RB1: variants seen among roughly 807,000 people sequenced by gnomAD.
RB1 encodes retinoblastoma-associated protein.
A neutral mutation model predicts 135.4 loss-of-function variants in RB1; 18 were observed. That is an observed-to-expected ratio of 0.13 (90% CI 0.09 to 0.20). The LOEUF (loss-of-function observed/expected upper bound fraction) is 0.20, where lower values mean the gene tolerates loss of function less well. Among genes scored for constraint, RB1 ranks in the 10% least tolerant of loss-of-function variants. The probability of loss-of-function intolerance (pLI) is 1.00; values close to 1 mark genes in which losing one functional copy is unlikely to be tolerated. For missense variants in RB1, 868 were observed against 1,110.0 expected, an observed-to-expected ratio of 0.78 and a Z score of 3.10; for synonymous variants, 365 against 373.2, an observed-to-expected ratio of 0.98 and a Z score of 0.25.
Position 48,464,981 on chromosome 13 carries a change from T to TTTCTTTTTTTCC in RB1, c.2212-16_2212-15insTCTTTTTTTCCT. 1 of 1,462,490 alleles carries TTTCTTTTTTTCC rather than the reference T, an allele frequency of 6.8e-7. No homozygotes were observed. Among genetic ancestry groups the TTTCTTTTTTTCC allele is most frequent in the Non-Finnish European group, 9.2e-7 (1 of 1,091,420 alleles). 90.6% of individuals were successfully genotyped at this position (1,462,490 alleles called of 1,614,324 possible). A position where few individuals can be genotyped will look rare whatever the true frequency, so the allele number is the denominator to read the frequency against. ...TACTTTTTTTTTTTTTTTTTTTTTT[T>TTTCTTTTTTTCC]TACTGTTCTTCCTCAGACATTCAAA... On this transcript the variant is annotated splice_polypyrimidine_tract_variant and intron_variant, in intron 21 of 26. Coordinates refer to ENST00000267163, the MANE Select transcript of RB1 (RefSeq NM_000321.3).
At chr13:48,402,930 A>G (rs74076000) in intron 17 of RB1, among the ~76,000 whole-genome samples, 1 of 152,226 alleles carries the variant, frequency 6.6e-6, no homozygotes, top group African/African-American at 2.4e-5. Flanking sequence ...AGTAGTATTC[A>G]TTTTTATTTA....
At chr13:48,440,744 A>T (rs528798254) in intron 17 of RB1, among the ~76,000 whole-genome samples, 1 of 152,324 alleles carries the variant, frequency 6.6e-6, no homozygotes, top group East Asian at 1.9e-4. Flanking sequence ...AAAAAGAGAC[A>T]TCTCTTATAC....
chr13:48,334,058 C>T (rs1456765272), intron 2 of RB1, among the ~76,000 whole-genome samples: 2 of 152,020 alleles, frequency 1.3e-5, no homozygotes, highest in Non-Finnish European at 2.9e-5. Flanking sequence ...GGAGGGAGTC[C>T]CAGGTGCTCA....
chr13:48,450,292 G>C (rs1406539035), intron 17 of RB1, among the ~76,000 whole-genome samples: 1 of 152,020 alleles, frequency 6.6e-6, no homozygotes, highest in African/African-American at 2.4e-5. Context: ...TTCATCTTGA[G>C]TTAATTTTTG....
At position 48,456,266 on chromosome 13, in the gene RB1, C is replaced by A; in HGVS notation, c.1877C>A (p.Ala626Glu). The change falls in exon 19 of 27, where the codon GCA becomes GAA. Residue 626 changes from alanine (A) to glutamate (E), a missense_variant. Ala to Glu is a moderately radical substitution (Grantham distance 107, BLOSUM62 -1). Around this residue, in one of 3 missense-constraint regions of RB1, gnomAD observed 641 missense variants for 791.3 expected, o/e 0.81. Transcript: ENST00000267163. ...TCAACTACGCGTGTAAATTCTACTG[C>A]AAATGCAGAGACACAAGCAACCTCA... ...KGSTTRVNST[A>E]NAETQATSAF... is the part of the protein sequence containing the mutation. 1 of 1,614,190 alleles carries A rather than the reference C, an allele frequency of 6.2e-7. No individual in the cohort carries two copies. The highest frequency in any genetic ancestry group is 1.1e-5 in the South Asian group (1 of 91,080).
chr13:48,307,445 T>G (rs545488881), intron 2 of RB1, 39 bp downstream of exon 2: 30 of 1,589,420 alleles, frequency 1.9e-5, no homozygotes, highest in Non-Finnish European at 2.6e-5. Context: ...TTTTTTTTTC[T>G]CATTTTAAAA....
intron 19 of RB1, among the ~76,000 whole-genome samples, chr13:48,458,570 C>T (rs1949376719): frequency 6.6e-6 from 1 of 152,130 alleles, no homozygotes; most frequent in Admixed American, 6.5e-5. Flanking sequence ...TCTGGGGCTC[C>T]AGCCTAGACC....
intron 2 of RB1, chr13:48,328,029 C>A: frequency 1.4e-6 from 1 of 703,486 alleles, no homozygotes; most frequent in South Asian, 1.8e-5. Context: ...AAAAAGGAAA[C>A]TGTTCTTTTT....
intron 2 of RB1, among the ~76,000 whole-genome samples, chr13:48,314,313 A>G (rs554946977): frequency 6.6e-6 from 1 of 152,314 alleles, no homozygotes; most frequent in South Asian, 2.1e-4. Context: ...AACAACATGA[A>G]GTCTTCAGAT....
intron 23 of RB1, among the ~76,000 whole-genome samples, chr13:48,472,923 A>G (rs1949481019): frequency 6.6e-6 from 1 of 152,186 alleles, no homozygotes; most frequent in Admixed American, 6.5e-5. Context: ...TATATGATAA[A>G]TAGCCTTTAC....
intron 17 of RB1, among the ~76,000 whole-genome samples, chr13:48,442,206 A>T (rs898847115): frequency 2.1e-5 from 3 of 145,936 alleles, no homozygotes; most frequent in Non-Finnish European, 3.0e-5. Flanking sequence ...TATGAATTTT[A>T]TTTTTTTTTT....
Position 48,303,855 on chromosome 13 carries a change from G to T in RB1, c.-58G>T. ...ACGGGGCGTGCCCCGACGTGCGCGC[G>T]CGTCGTCCTCCCCGGCGCTCCTCCA... On this transcript the variant is annotated 5_prime_UTR_variant, in exon 1 of 27. Coordinates refer to ENST00000267163, the MANE Select transcript of RB1 (RefSeq NM_000321.3). 2 of 1,499,864 alleles carry T rather than the reference G, an allele frequency of 1.3e-6. No homozygotes were observed. Among genetic ancestry groups the T allele is most frequent in the East Asian group, 2.8e-5 (1 of 35,958 alleles). 92.9% of individuals were successfully genotyped at this position (1,499,864 alleles called of 1,614,324 possible).
At position 48,339,192 on chromosome 13, in the gene RB1, T is replaced by G. The variant is rs534956245; in HGVS notation, c.265-3407T>G. 5.1e-3 allele frequency among the ~76,000 whole-genome samples: 781 copies of G among 152,342 alleles called. 4 individuals are homozygous for G. Among genetic ancestry groups the G allele is most frequent in the Non-Finnish European group, 8.1e-3 (554 of 68,034 alleles). On this transcript the variant is annotated intron_variant, in intron 2 of 26. Transcript: ENST00000267163. ...TCATGCTGGGAGAACCACTACGCTCTTCAAAGCTGTCAGACAGGGACATTT... is the reference window on the plus strand; with the variant it reads ...TCATGCTGGGAGAACCACTACGCTCGTCAAAGCTGTCAGACAGGGACATTT...
At chr13:48,446,620 G>T (rs191378805) in intron 17 of RB1, among the ~76,000 whole-genome samples, 182 of 152,308 alleles carry the variant, frequency 1.2e-3, no homozygotes, top group African/African-American at 4.0e-3. Context: ...TGCTTAGGAG[G>T]TGCTATTTGA....
In RB1 at chr13:48,476,821, G is replaced by A. The variant is rs1949507125; in HGVS notation, c.2641G>A (p.Gly881Arg). 1 of 1,613,482 alleles carries A rather than the reference G, an allele frequency of 6.2e-7. No individual in the cohort carries two copies. Among genetic ancestry groups the A allele is most frequent in the Non-Finnish European group, 8.5e-7 (1 of 1,179,638 alleles). ...GAAAAAACTACGCTTTGATATTGAA[G>A]GATCAGATGAAGCAGATGGAAGGTA... ...PLKKLRFDIEGSDEADGSKHL... is the reference protein window; with the variant it reads ...PLKKLRFDIERSDEADGSKHL... The change falls in exon 25 of 27, where the codon GGA becomes AGA. Residue 881 changes from glycine (G) to arginine (R), a missense_variant. Physicochemically the swap from Gly to Arg is moderately radical, Grantham distance 125 (BLOSUM62 -2). Coordinates refer to ENST00000267163, the MANE Select transcript of RB1 (RefSeq NM_000321.3).
chr13:48,432,539 C>A (rs1029293128), intron 17 of RB1, among the ~76,000 whole-genome samples: 1 of 151,956 alleles, frequency 6.6e-6, no homozygotes, highest in African/African-American at 2.4e-5. Context: ...CACATTCCAC[C>A]CTGACTTGTC....
intron 17 of RB1, among the ~76,000 whole-genome samples, chr13:48,421,868 A>G (rs2138245031): frequency 6.6e-6 from 1 of 152,340 alleles, no homozygotes; most frequent in East Asian, 1.9e-4. Flanking sequence ...TCAGGAAACA[A>G]CAGATGCTGG....
chr13:48,384,528 A>G (rs1231365047), intron 17 of RB1, among the ~76,000 whole-genome samples: 1 of 152,142 alleles, frequency 6.6e-6, no homozygotes, highest in African/African-American at 2.4e-5. Context: ...CAAATTGAAC[A>G]CATCCGTGTA....
At chr13:48,458,586 A>C (rs1293646472) in intron 19 of RB1, among the ~76,000 whole-genome samples, 1 of 152,228 alleles carries the variant, frequency 6.6e-6, no homozygotes, top group Non-Finnish European at 1.5e-5. Flanking sequence ...AGACCTGCTC[A>C]ATCAGAAACT....
Sources: allele counts gnomAD v4.1 joint callset (sites outside exome capture counted in the v4.1 genomes callset), GRCh38; gene constraint gnomAD v4.1.1; regional missense constraint gnomAD v4.1.1; transcripts MANE v1.5; gene names NCBI Gene and HGNC (gene_info 2026-07-23, HGNC 2026-07-21).